The following LRRC4C variants were observed in gnomAD, a reference collection of about 807,000 sequenced individuals.
LRRC4C encodes the protein leucine rich repeat containing 4C.
In LRRC4C, 5 loss-of-function variants were observed where a neutral mutation model predicts 33.6. The observed-to-expected ratio is 0.15, with a 90% confidence interval of 0.08 to 0.31. LRRC4C has a LOEUF of 0.31. Among genes scored for constraint, LRRC4C ranks in the 10% least tolerant of loss-of-function variants. LRRC4C has a pLI of 1.00. For synonymous variants in LRRC4C, 329 were observed against 302.0 expected (o/e 1.09, Z -0.93); for missense variants, 560 against 796.7 (o/e 0.70, Z 3.58).
chr11:40,778,478 T>C (rs1178494308), intron 2 of LRRC4C, among the ~76,000 whole-genome samples: 1 of 152,198 alleles, frequency 6.6e-6, no homozygotes, highest in Non-Finnish European at 1.5e-5. Flanking sequence ...GGGATTAGAA[T>C]ACAGGTAGCT....
At chr11:41,187,985 G>T (rs997900757) in intron 1 of LRRC4C, among the ~76,000 whole-genome samples, 6 of 152,158 alleles carry the variant, frequency 3.9e-5, no homozygotes, top group African/African-American at 1.4e-4. Flanking sequence ...ATAATAAGTG[G>T]CAGTAAATGT....
At chr11:40,823,305 CAA>C (rs1411043913) in intron 2 of LRRC4C, among the ~76,000 whole-genome samples, 4 of 151,200 alleles carry the variant, frequency 2.6e-5, no homozygotes, top group Non-Finnish European at 5.9e-5. Flanking sequence ...ATCAAAAGCC[CAA>C]TCAATGAGAG....
intron 3 of LRRC4C, among the ~76,000 whole-genome samples, chr11:40,591,012 G>A (rs1465499524): frequency 1.3e-5 from 2 of 148,614 alleles, no homozygotes; most frequent in East Asian, 2.0e-4. Context: ...CCACCCAGTT[G>A]GAGCTTCCTG....
chr11:41,089,640 A>T (rs1940256196), intron 1 of LRRC4C, among the ~76,000 whole-genome samples: 1 of 152,088 alleles, frequency 6.6e-6, no homozygotes, highest in Admixed American at 6.6e-5. Context: ...ACTTGGTGTC[A>T]GTTAATTCAA....
intron 1 of LRRC4C, among the ~76,000 whole-genome samples, chr11:41,107,571 A>G (rs1941580459): frequency 1.3e-5 from 2 of 152,174 alleles, no homozygotes; most frequent in African/African-American, 4.8e-5. Flanking sequence ...CAAACCAATT[A>G]ATTTGAAGAT....
At chr11:40,272,159 G>A (rs564506891) in intron 4 of LRRC4C, among the ~76,000 whole-genome samples, 13 of 152,224 alleles carry the variant, frequency 8.5e-5, no homozygotes, top group African/African-American at 3.1e-4. Context: ...CGGAAACTGT[G>A]ATAGGAAAAT....
intron 4 of LRRC4C, among the ~76,000 whole-genome samples, chr11:40,279,399 C>T (rs532402426): frequency 1.4e-3 from 206 of 152,254 alleles, no homozygotes; most frequent in Non-Finnish European, 2.5e-3. Context: ...TACACCATTG[C>T]GCATTCAGAA....
chr11:41,002,001 GT>G (rs916108208), intron 1 of LRRC4C, among the ~76,000 whole-genome samples: 2 of 152,046 alleles, frequency 1.3e-5, no homozygotes, highest in African/African-American at 2.4e-5. Flanking sequence ...TATTTAGGGA[GT>G]TTTTTTCCTC....
At chr11:41,141,791 TA>T (rs1943518435) in intron 1 of LRRC4C, among the ~76,000 whole-genome samples, 2 of 152,304 alleles carry the variant, frequency 1.3e-5, no homozygotes, top group Admixed American at 1.3e-4. Context: ...GTTTTCTTTA[TA>T]AATTAACCAA....
chr11:40,906,706 C>G (rs143179799), intron 2 of LRRC4C, among the ~76,000 whole-genome samples: 1,962 of 151,730 alleles, frequency 0.013, 20 homozygotes, highest in Non-Finnish European at 0.019. Context: ...CTCTCTCTCT[C>G]TCTGTGTGTG....
chr11:40,166,271 T>C (rs1412478109), intron 5 of LRRC4C, among the ~76,000 whole-genome samples: 1 of 152,170 alleles, frequency 6.6e-6, no homozygotes. Flanking sequence ...TGGAATACCA[T>C]ATAGCTGGAG....
intron 2 of LRRC4C, among the ~76,000 whole-genome samples, chr11:40,826,261 CA>C (rs1952165242): frequency 2.0e-5 from 3 of 151,938 alleles, no homozygotes; most frequent in Non-Finnish European, 4.4e-5. Context: ...CATGTTAATA[CA>C]ATCAAGCTAT....
intron 1 of LRRC4C, among the ~76,000 whole-genome samples, chr11:41,311,410 G>T (rs992741355): frequency 6.6e-6 from 1 of 152,076 alleles, no homozygotes; most frequent in African/African-American, 2.4e-5. Flanking sequence ...AGATTAAAGA[G>T]TTGGGGAAAA....
At chr11:40,237,214 G>T (rs1215400082) in intron 5 of LRRC4C, among the ~76,000 whole-genome samples, 1 of 152,164 alleles carries the variant, frequency 6.6e-6, no homozygotes, top group Non-Finnish European at 1.5e-5. Context: ...AATGAAAAGT[G>T]CAATCTAGTT....
At chr11:40,664,057 T>C (rs1226575619) in intron 2 of LRRC4C, among the ~76,000 whole-genome samples, 3 of 152,172 alleles carry the variant, frequency 2.0e-5, no homozygotes, top group Non-Finnish European at 1.5e-5. Flanking sequence ...CTTGATCCAA[T>C]TACATATATA....
At chr11:40,570,939 A>G (rs1249259494) in intron 3 of LRRC4C, among the ~76,000 whole-genome samples, 3 of 152,182 alleles carry the variant, frequency 2.0e-5, no homozygotes, top group African/African-American at 7.2e-5. Context: ...AAAACTTTGG[A>G]TATGCTAAAA....
intron 2 of LRRC4C, among the ~76,000 whole-genome samples, chr11:40,686,203 A>T (rs1314191195): frequency 6.6e-6 from 1 of 152,106 alleles, no homozygotes; most frequent in Non-Finnish European, 1.5e-5. Flanking sequence ...CCAGATGATA[A>T]CAATAACAGT....
intron 3 of LRRC4C, among the ~76,000 whole-genome samples, chr11:40,437,839 C>A (rs34465691): frequency 0.37 from 56,841 of 152,022 alleles, 11,331 homozygotes; most frequent in East Asian, 0.52. Context: ...TCCCGAGTAG[C>A]TGGGACTACA....
At chr11:40,636,462 G>C (rs1941756416) in intron 3 of LRRC4C, among the ~76,000 whole-genome samples, 1 of 152,098 alleles carries the variant, frequency 6.6e-6, no homozygotes, top group Non-Finnish European at 1.5e-5. Context: ...TGGTATCTCA[G>C]AAAGTAAAGG....
Sources: gnomAD v4.1 joint callset for allele counts (sites outside exome capture counted in the v4.1 genomes callset) on GRCh38, gnomAD v4.1.1 for gene constraint, MANE v1.5 for transcripts, NCBI Gene and HGNC (gene_info 2026-07-23, HGNC 2026-07-21) for gene names.